PTGER3: variants seen among roughly 807,000 people sequenced by gnomAD.
PTGER3 encodes prostaglandin E receptor 3.
In PTGER3, 22 loss-of-function variants were observed where a neutral mutation model predicts 34.7. That is an observed-to-expected ratio of 0.63 (90% CI 0.45 to 0.91). The LOEUF (loss-of-function observed/expected upper bound fraction) is 0.91. Ranked by LOEUF, PTGER3 falls within the 40% of genes least tolerant of loss-of-function variation. The pLI is 0.00. For synonymous variants in PTGER3, 241 were observed against 230.1 expected, an observed-to-expected ratio of 1.05 and a Z score of -0.43; for missense variants, 468 against 519.4, an observed-to-expected ratio of 0.90 and a Z score of 0.96.
intron 4 of PTGER3, among the ~76,000 whole-genome samples, chr1:70,899,907 T>C (rs1017227034): frequency 2.0e-5 from 3 of 152,118 alleles, no homozygotes; most frequent in African/African-American, 7.2e-5. Flanking sequence ...AGTATTAGAC[T>C]CTTCAATACT....
downstream of PTGER3, among the ~76,000 whole-genome samples, chr1:70,951,834 C>T (rs538314557): frequency 2.0e-5 from 3 of 152,114 alleles, no homozygotes; most frequent in South Asian, 6.3e-4. Context: ...GACAGACAAA[C>T]AGAAACAAAT....
intron 2 of PTGER3, among the ~76,000 whole-genome samples, chr1:70,984,217 T>C (rs896761070): frequency 6.6e-6 from 1 of 151,690 alleles, no homozygotes; most frequent in Non-Finnish European, 1.5e-5. Flanking sequence ...TGAAACCCTG[T>C]CTCTACTAAA....
chr1:70,999,663 A>G (rs1170505572), intron 2 of PTGER3, among the ~76,000 whole-genome samples: 1 of 152,220 alleles, frequency 6.6e-6, no homozygotes, highest in Non-Finnish European at 1.5e-5. Context: ...AGGAAGCACA[A>G]GTATCTTCTG....
At chr1:70,998,841 C>A (rs1369144114) in intron 2 of PTGER3, among the ~76,000 whole-genome samples, 1 of 152,030 alleles carries the variant, frequency 6.6e-6, no homozygotes, top group African/African-American at 2.4e-5. Flanking sequence ...GCACAGGGAA[C>A]GACGATGGTG....
intron 4 of PTGER3, among the ~76,000 whole-genome samples, chr1:70,941,819 C>T (rs1271728643): frequency 6.6e-6 from 1 of 152,102 alleles, no homozygotes; most frequent in Non-Finnish European, 1.5e-5. Context: ...GAAATAGCTT[C>T]CTCAATATTA....
At chr1:70,893,387 C>A (rs1646659983) in intron 4 of PTGER3, among the ~76,000 whole-genome samples, 1 of 152,196 alleles carries the variant, frequency 6.6e-6, no homozygotes, top group South Asian at 2.1e-4. Flanking sequence ...CTTGTTTCAG[C>A]TATAGGACTG....
chr1:70,981,421 T>C lies in PTGER3; in HGVS notation c.1078-7033A>G, dbSNP rs868270276. ...CTTCCTTCCTTCCTTCCTTCCTTCT[T>C]TCTTTTCTTTCAGACAGAGTCTGTC... is the stretch of plus-strand genomic sequence containing the variant. On this transcript the variant is annotated intron_variant, in intron 2 of 3. Transcript: ENST00000306666. Among the ~76,000 whole-genome samples, 11 of 147,370 alleles carry C rather than the reference T, an allele frequency of 7.5e-5. 1 individual carries two copies. In the South Asian group the frequency reaches 2.4e-3, roughly 32 times the overall value.
chr1:70,942,917 T>G (rs1220499733), intron 4 of PTGER3, among the ~76,000 whole-genome samples: 1 of 152,124 alleles, frequency 6.6e-6, no homozygotes. Flanking sequence ...AACATGTTGA[T>G]TTTAGACTTT....
At chr1:71,024,782 T>C (rs1161160322) in intron 1 of PTGER3, among the ~76,000 whole-genome samples, 1 of 151,636 alleles carries the variant, frequency 6.6e-6, no homozygotes, top group Non-Finnish European at 1.5e-5. Flanking sequence ...CTTGAACTAC[T>C]GATCTCAGGT....
intron 2 of PTGER3, chr1:71,009,028 C>T (rs1261911701): frequency 3.0e-6 from 3 of 984,460 alleles, no homozygotes; most frequent in African/African-American, 3.5e-5. Context: ...TTGATCTCAA[C>T]CAAAAGAACT....
intron 1 of PTGER3, among the ~76,000 whole-genome samples, chr1:71,016,802 C>CAA (rs3044612): frequency 0.36 from 46,366 of 129,752 alleles, 7,865 homozygotes; most frequent in South Asian, 0.48. Context: ...GACTTGGGCT[C>CAA]AAAAAAAAAA....
intron 2 of PTGER3, among the ~76,000 whole-genome samples, chr1:70,981,656 A>G (rs906861326): frequency 6.6e-6 from 1 of 151,714 alleles, no homozygotes; most frequent in Non-Finnish European, 1.5e-5. Flanking sequence ...TGATCCTCCC[A>G]CCTCAACCTC....
intron 4 of PTGER3, among the ~76,000 whole-genome samples, chr1:70,928,053 T>C (rs550571059): frequency 5.6e-4 from 85 of 151,474 alleles, no homozygotes; most frequent in South Asian, 1.9e-3. Context: ...TAAAGTACTG[T>C]TTAAAGATTA....
At position 70,890,088 on chromosome 1, in the gene PTGER3, G is replaced by A. The variant is rs148133407; in HGVS notation, c.*24-37229C>T. ...AATTCAGCTCAATTCAATGATTACG[G>A]CTTAGTCTTTTATACACAGACCACT... On this transcript the variant is annotated intron_variant, in intron 4 of 4. Transcript: ENST00000370931. Among the ~76,000 whole-genome samples the A allele has an allele frequency of 2.9e-3, 436 of 152,192 alleles. 2 individuals carry two copies. The highest frequency in any genetic ancestry group is 0.01 in the African/African-American group (418 of 41,522).
chr1:70,865,772 C>A, intron 4 of PTGER3: 2 of 1,367,106 alleles, frequency 1.5e-6, no homozygotes, highest in Non-Finnish European at 2.0e-6. Context: ...CAAGAACCAA[C>A]GGAAGGGCTG....
At position 70,959,978 on chromosome 1, in the gene PTGER3, A is replaced by G. The variant is rs74089184; in HGVS notation, c.1078-6189T>C. On this transcript the variant is annotated intron_variant, in intron 2 of 3. Coordinates refer to the PTGER3 transcript ENST00000356595. ...AGGTAGGATGGGCCCCTAAATCAAT[A>G]TAACTGGTGTTCTTTAAAAAGTGGG... Among the ~76,000 whole-genome samples, 598 of 152,272 alleles carry G rather than the reference A, an allele frequency of 3.9e-3. 10 individuals are homozygous for G. The highest frequency in any genetic ancestry group is 0.014 in the African/African-American group (564 of 41,550).
chr1:70,870,139 C>A (rs540991818), intron 4 of PTGER3, among the ~76,000 whole-genome samples: 12 of 152,274 alleles, frequency 7.9e-5, no homozygotes, highest in African/African-American at 2.4e-4. Context: ...ACTCTGTATA[C>A]CTGCAGGCTT....
intron 2 of PTGER3, among the ~76,000 whole-genome samples, chr1:70,981,226 A>G (rs990917111): frequency 6.6e-6 from 1 of 151,940 alleles, no homozygotes; most frequent in East Asian, 1.9e-4. Context: ...ACTCCAAGCC[A>G]TACTATTGTT....
chr1:71,027,616 C>T (rs188159585), intron 1 of PTGER3, among the ~76,000 whole-genome samples: 117 of 152,226 alleles, frequency 7.7e-4, no homozygotes, highest in African/African-American at 2.6e-3. Context: ...ATAGTCCCCC[C>T]GGTTAAAACA....
Sources: allele counts gnomAD v4.1 joint callset (sites outside exome capture counted in the v4.1 genomes callset), GRCh38; gene constraint gnomAD v4.1.1; transcripts MANE v1.5; gene names NCBI Gene and HGNC (gene_info 2026-07-23, HGNC 2026-07-21).